Variants in ABI3BP observed in about 807,000 individuals in gnomAD.
The protein encoded by ABI3BP is target of Nesh-SH3.
In ABI3BP, 216 loss-of-function variants were observed where a neutral mutation model predicts 268.6. The ratio of observed to expected loss-of-function variants is 0.80; its 90% CI spans 0.72 to 0.90. ABI3BP has a LOEUF of 0.90. ABI3BP is among the 40% of genes least tolerant of loss of function. The pLI is 0.00. For missense variants in ABI3BP, 2,090 were observed against 2,182.4 expected (o/e 0.96, Z 0.84); for synonymous variants, 730 against 730.0 (o/e 1.00, Z 0.00).
chr3:100,785,271 G>C (rs528721296), intron 57 of ABI3BP, among the ~76,000 whole-genome samples: 11 of 152,246 alleles, frequency 7.2e-5, no homozygotes, highest in African/African-American at 2.4e-4. Flanking sequence ...TGCATTAGAA[G>C]AGTCAACAGA....
Position 100,885,595 on chromosome 3 carries a change from A to G in ABI3BP, c.644-7T>C. On this transcript the variant is annotated splice_region_variant and splice_polypyrimidine_tract_variant and intron_variant, in intron 5 of 67. Coordinates refer to ENST00000471714, the MANE Select transcript of ABI3BP (RefSeq NM_001375547.2). Reference sequence around the variant, plus strand: ...TTCCCATTTACTTTTTTACCTGATGAAACAAGGGAAAAATAACATTATTTT... The same window carrying G: ...TTCCCATTTACTTTTTTACCTGATGGAACAAGGGAAAAATAACATTATTTT... 4 of 1,521,950 alleles carry G rather than the reference A, an allele frequency of 2.6e-6. No homozygotes were observed. Among genetic ancestry groups the G allele is most frequent in the Non-Finnish European group, 3.6e-6 (4 of 1,118,676 alleles). The allele number at this position is 1,521,950 out of a possible 1,614,324, so 94.3% of individuals were successfully genotyped here. A position where few individuals can be genotyped will look rare whatever the true frequency, so the allele number is the denominator to read the frequency against.
chr3:100,825,698 C>A, intron 35 of ABI3BP, 87 bp downstream of exon 35: 1 of 1,009,232 alleles, frequency 9.9e-7, no homozygotes. Context: ...GGAAGACATG[C>A]CATGTTATAG....
intron 40 of ABI3BP, among the ~76,000 whole-genome samples, chr3:100,819,196 A>G (rs2098135138): frequency 6.6e-6 from 1 of 152,280 alleles, no homozygotes; most frequent in East Asian, 1.9e-4. Context: ...CTGCTCTTAT[A>G]AACCCTTCCA....
In ABI3BP at chr3:100,749,998, T is replaced by G. The variant is rs964181517; in HGVS notation, c.*497A>C. The G allele has an allele frequency of 5.9e-6, 2 of 341,658 alleles. No individual in the cohort carries two copies. Among genetic ancestry groups the G allele is most frequent in the Non-Finnish European group, 1.0e-5 (2 of 193,022 alleles). The allele number at this position is 341,658 out of a possible 1,614,324, so 21.2% of individuals were successfully genotyped here. Reference sequence around the variant, plus strand: ...AGTTTAAATATAAAAAATTGAAGTTTAAATATAAATGTGAAAATTCGGACC... The same window carrying G: ...AGTTTAAATATAAAAAATTGAAGTTGAAATATAAATGTGAAAATTCGGACC... On this transcript the variant is annotated 3_prime_UTR_variant, in exon 68 of 68. Transcript: ENST00000471714.
At chr3:100,766,787 A>G (rs1433201848) in intron 62 of ABI3BP, among the ~76,000 whole-genome samples, 1 of 152,180 alleles carries the variant, frequency 6.6e-6, no homozygotes, top group African/African-American at 2.4e-5. Context: ...AAAGAACCAA[A>G]AACCCAAACA....
chr3:100,752,268 G>C (rs1367470885), intron 66 of ABI3BP, among the ~76,000 whole-genome samples: 1 of 152,140 alleles, frequency 6.6e-6, no homozygotes, highest in Non-Finnish European at 1.5e-5. Context: ...CTTTTATGCT[G>C]CTTTGTGTTC....
chr3:100,793,255 A>G (rs536238286), intron 54 of ABI3BP, among the ~76,000 whole-genome samples: 5 of 151,996 alleles, frequency 3.3e-5, no homozygotes, highest in Admixed American at 6.6e-5. Context: ...ATACAAACAC[A>G]ATCCTCTTGA....
At chr3:100,844,218 C>G in intron 20 of ABI3BP, 3 of 985,400 alleles carry the variant, frequency 3.0e-6, no homozygotes, top group Non-Finnish European at 3.6e-6. Context: ...GAACAATTTA[C>G]AATTCTATCC....
chr3:100,894,429 T>G (rs1385341637), intron 4 of ABI3BP, among the ~76,000 whole-genome samples: 1 of 152,088 alleles, frequency 6.6e-6, no homozygotes, highest in African/African-American at 2.4e-5. Context: ...CTGATGCTCT[T>G]CGGGGGACCA....
At chr3:100,844,583 G>A (rs2098746464) in intron 20 of ABI3BP, 1 of 307,600 alleles carries the variant, frequency 3.3e-6, no homozygotes, top group Non-Finnish European at 4.8e-6. Flanking sequence ...ACCTTGGCTA[G>A]AAAGAGACAT....
intron 63 of ABI3BP, 63 bp downstream of exon 63, chr3:100,765,777 TC>T (rs1253924823): frequency 1.7e-6 from 2 of 1,207,270 alleles, no homozygotes; most frequent in African/African-American, 3.0e-5. Context: ...ATCATTTCTT[TC>T]CCTTGTTGTG....
At chr3:100,751,410 C>T (rs950850873) in intron 67 of ABI3BP, 142 bp downstream of exon 67, 1 of 886,086 alleles carries the variant, frequency 1.1e-6, no homozygotes, top group East Asian at 3.3e-5. Flanking sequence ...GAGAAACTTA[C>T]ATTGAAGTCT....
intron 6 of ABI3BP, 22 bp from the exon 7 acceptor site, chr3:100,876,582 C>A: frequency 6.2e-7 from 1 of 1,609,020 alleles, no homozygotes; most frequent in Non-Finnish European, 8.5e-7. Flanking sequence ...AGAAGAAAGT[C>A]AACTTTTGAG....
chr3:100,783,867 C>T (rs1279138273), intron 57 of ABI3BP, among the ~76,000 whole-genome samples: 1 of 152,210 alleles, frequency 6.6e-6, no homozygotes, highest in Non-Finnish European at 1.5e-5. Flanking sequence ...TTTGCACAAT[C>T]CCTTGGCCTG....
rs150411282 is a variant in ABI3BP, at chr3:100,828,133, G to A, written c.2602+260C>T. On this transcript the variant is annotated intron_variant, in intron 34 of 67. Coordinates refer to ENST00000471714, the MANE Select transcript of ABI3BP (RefSeq NM_001375547.2). ...TTAGCGTAGATCAGGTCAGAACCTC[G>A]CGAGAATATGTCAAATCTCCCTTAA... Among the ~76,000 whole-genome samples the A allele has an allele frequency of 6.3e-4, 96 of 152,174 alleles. 1 individual carries two copies. Among genetic ancestry groups the A allele is most frequent in the South Asian group, 3.1e-3 (15 of 4,828 alleles).
At chr3:100,889,639 AAGCCTGCCTTC>A (rs1322708377) in intron 4 of ABI3BP, among the ~76,000 whole-genome samples, 4 of 152,154 alleles carry the variant, frequency 2.6e-5, no homozygotes, top group Non-Finnish European at 5.9e-5. Context: ...GACTTCTAGA[AAGCCTGCCTTC>A]AGCAATTTCA....
intron 50 of ABI3BP, among the ~76,000 whole-genome samples, chr3:100,805,909 G>A (rs73152437): frequency 0.14 from 21,041 of 151,880 alleles, 1,893 homozygotes; most frequent in South Asian, 0.27. Flanking sequence ...CACAAATTTG[G>A]TTTTGAAGAA....
chr3:100,830,106 CATACATATATATATATATATATATATAT>C lies in ABI3BP; in HGVS notation c.2458+444_2459-443del, dbSNP rs1380379664. Among the ~76,000 whole-genome samples the C allele has an allele frequency of 5.3e-4, 41 of 77,044 alleles. 2 individuals carry two copies. The highest frequency in any genetic ancestry group is 2.1e-3 in the African/African-American group (30 of 14,498). 50.5% of individuals were successfully genotyped at this position (77,044 alleles called of 152,430 possible). A position where few individuals can be genotyped will look rare whatever the true frequency, so the allele number is the denominator to read the frequency against. On this transcript the variant is annotated intron_variant, in intron 32 of 67. Transcript: ENST00000471714. ...CTATATACATATACATACATACATA[CATACATATATATATATATATATATATAT>C]ATATATATATATATATATATATATA...
At chr3:100,892,981 GA>G (rs1272288119) in intron 4 of ABI3BP, among the ~76,000 whole-genome samples, 1 of 152,188 alleles carries the variant, frequency 6.6e-6, no homozygotes, top group East Asian at 1.9e-4. Flanking sequence ...GTTGCCAAAA[GA>G]GATGAACATT....
Sources: allele counts gnomAD v4.1 joint callset (sites outside exome capture counted in the v4.1 genomes callset), GRCh38; gene constraint gnomAD v4.1.1; transcripts MANE v1.5; gene names NCBI Gene and HGNC (gene_info 2026-07-23, HGNC 2026-07-21).